Variants in ARL6 observed in about 807,000 individuals in gnomAD.
ARL6 encodes ARF like GTPase 6, also known as ADP-ribosylation factor-like protein 6.
A neutral mutation model predicts 27.1 loss-of-function variants in ARL6; 18 were observed. The observed-to-expected ratio is 0.66, with a 90% CI of 0.46 to 0.98. The LOEUF (loss-of-function observed/expected upper bound fraction) is 0.98. Among genes scored for constraint, ARL6 ranks in the 50% least tolerant of loss-of-function variants. ARL6 has a pLI of 0.00. For synonymous variants in ARL6, 65 were observed against 72.3 expected, an observed-to-expected ratio of 0.90 and a Z score of 0.51; for missense variants, 187 against 214.9, an observed-to-expected ratio of 0.87 and a Z score of 0.81.
At chr3:97,781,628 C>G (rs2037205672) in intron 4 of ARL6, among the ~76,000 whole-genome samples, 1 of 152,040 alleles carries the variant, frequency 6.6e-6, no homozygotes, top group Non-Finnish European at 1.5e-5. Flanking sequence ...TGGAACCAAT[C>G]CCTCGCCAAT....
chr3:97,792,965 T>C (rs935444784), intron 7 of ARL6, among the ~76,000 whole-genome samples: 1 of 148,772 alleles, frequency 6.7e-6, no homozygotes, highest in Non-Finnish European at 1.5e-5. Flanking sequence ...TTGTGTGTGA[T>C]TTTTTTTTTT....
In ARL6 at chr3:97,764,905, C is replaced by T. The variant is rs1180736161; in HGVS notation, c.-100C>T. ...AGGGACCCTCGCACCAGATTTCCAT[C>T]CCGGAGACCGATACGAGTGCGTCCA... On this transcript the variant is annotated 5_prime_UTR_variant, in exon 1 of 8. Transcript: ENST00000463745. 1.3e-5 allele frequency: 2 copies of T among 152,256 alleles called. No homozygotes were observed. Among genetic ancestry groups the T allele is most frequent in the African/African-American group, 4.8e-5 (2 of 41,454 alleles). 9.4% of individuals were successfully genotyped at this position (152,256 alleles called of 1,614,324 possible). A position where few individuals can be genotyped will look rare whatever the true frequency, so the allele number is the denominator to read the frequency against.
chr3:97,787,959 A>G (rs1159896139), intron 5 of ARL6, 31 bp from the exon 6 acceptor site: 1 of 1,612,116 alleles, frequency 6.2e-7, no homozygotes, highest in South Asian at 1.1e-5. Flanking sequence ...AAAAGCTGGA[A>G]GTGTGATGAT....
intron 7 of ARL6, among the ~76,000 whole-genome samples, chr3:97,796,833 GAAT>G (rs1490187341): frequency 6.6e-6 from 1 of 152,106 alleles, no homozygotes; most frequent in Admixed American, 6.6e-5. Flanking sequence ...TCCAAGGAGG[GAAT>G]AATAGAATTA....
At chr3:97,771,572 C>T (rs1040091267) in intron 2 of ARL6, among the ~76,000 whole-genome samples, 16 of 149,026 alleles carry the variant, frequency 1.1e-4, no homozygotes, top group African/African-American at 3.9e-4. Context: ...TGAAAATGAA[C>T]ATCCTTGTCT....
chr3:97,792,753 G>A (rs536937091), intron 7 of ARL6, among the ~76,000 whole-genome samples: 1 of 152,308 alleles, frequency 6.6e-6, no homozygotes, highest in Admixed American at 6.5e-5. Flanking sequence ...GCAGTAGATA[G>A]TTGTGAATGA....
At chr3:97,775,103 G>T (rs1163101230) in intron 2 of ARL6, among the ~76,000 whole-genome samples, 1 of 151,890 alleles carries the variant, frequency 6.6e-6, no homozygotes, top group East Asian at 1.9e-4. Context: ...AGCATTTTGG[G>T]GTCTAATCAT....
chr3:97,789,924 A>AC (rs889574176), intron 6 of ARL6, among the ~76,000 whole-genome samples: 3 of 117,216 alleles, frequency 2.6e-5, no homozygotes, highest in African/African-American at 7.8e-5. Flanking sequence ...AGTCTGATAA[A>AC]TTAAAGAAAA....
In ARL6 at chr3:97,797,888, C is replaced by G. The variant is rs75028528; in HGVS notation, c.536-136C>G. Reference sequence around the variant, plus strand: ...CCTGGGCCACATAGCAAGATCCTATCTCTAAAAAATAATAATAACAAAAGC... The same window carrying G: ...CCTGGGCCACATAGCAAGATCCTATGTCTAAAAAATAATAATAACAAAAGC... On this transcript the variant is annotated intron_variant, in intron 7 of 7. Transcript: ENST00000463745. 0.013 allele frequency: 10,511 copies of G among 830,390 alleles called. 753 individuals are homozygous for G. In the African/African-American group the frequency reaches 0.16, roughly 13 times the overall value. The allele number at this position is 830,390 out of a possible 1,614,324, so 51.4% of individuals were successfully genotyped here.
At position 97,799,762 on chromosome 3, in the gene ARL6, C is replaced by T. The variant is rs1040914918; in HGVS notation, c.*1713C>T. 6 of 152,070 alleles carry T rather than the reference C, an allele frequency of 3.9e-5. No individual in the cohort carries two copies. Among genetic ancestry groups the T allele is most frequent in the African/African-American group, 1.4e-4 (6 of 41,424 alleles). The allele number at this position is 152,070 out of a possible 1,614,324, so 9.4% of individuals were successfully genotyped here. A position where few individuals can be genotyped will look rare whatever the true frequency, so the allele number is the denominator to read the frequency against. ...CATTTTATAGATCAGTAAACTGAGG[C>T]GTTAAAATGTTATGTAATTTGCCAA... On this transcript the variant is annotated 3_prime_UTR_variant, in exon 8 of 8. Transcript: ENST00000463745.
chr3:97,779,217 G>A (rs1244813704), intron 2 of ARL6, among the ~76,000 whole-genome samples: 1 of 152,058 alleles, frequency 6.6e-6, no homozygotes, highest in Non-Finnish European at 1.5e-5. Flanking sequence ...GAGACATTTA[G>A]GCTTTCTGCA....
intron 1 of ARL6, among the ~76,000 whole-genome samples, chr3:97,765,741 G>A: frequency 6.6e-6 from 1 of 152,174 alleles, no homozygotes; most frequent in East Asian, 1.9e-4. Flanking sequence ...TTCAGCAATT[G>A]ATTTCAGAGT....
At chr3:97,766,349 A>G (rs138163316) in intron 1 of ARL6, among the ~76,000 whole-genome samples, 1 of 152,356 alleles carries the variant, frequency 6.6e-6, no homozygotes, top group East Asian at 1.9e-4. Context: ...AATAGATTTT[A>G]CAAATGCTGG....
At chr3:97,797,912 G>A in intron 7 of ARL6, 112 bp from the exon 8 acceptor site, 1 of 965,710 alleles carries the variant, frequency 1.0e-6, no homozygotes, top group Non-Finnish European at 1.6e-6. Flanking sequence ...AATAACAAAA[G>A]CACATGTATA....
rs1559699631 is a variant in ARL6, at chr3:97,799,992, GCTTTTTTTGTTTT to G, written c.*1952_*1964del. The G allele has an allele frequency of 6.6e-6, 1 of 152,010 alleles. No individual in the cohort carries two copies. The highest frequency in any genetic ancestry group is 1.5e-5 in the Non-Finnish European group (1 of 67,934). 9.4% of individuals were successfully genotyped at this position (152,010 alleles called of 1,614,324 possible). On this transcript the variant is annotated 3_prime_UTR_variant, in exon 8 of 8. Transcript: ENST00000463745. ...GGTCAGAGACTAGAGACTACTCTTT[GCTTTTTTTGTTTT>G]CTTTTTTTTTCTTTTAAAGCTATTA...
chr3:97,776,662 A>AT (rs35144481), intron 2 of ARL6, among the ~76,000 whole-genome samples: 22,301 of 147,732 alleles, frequency 0.15, 1,843 homozygotes, highest in Non-Finnish European at 0.2. Context: ...TTATTTATTT[A>AT]TTTTTTTTTT....
intron 7 of ARL6, among the ~76,000 whole-genome samples, chr3:97,793,573 C>T (rs2037847027): frequency 6.6e-6 from 1 of 151,884 alleles, no homozygotes; most frequent in Non-Finnish European, 1.5e-5. Flanking sequence ...TTCTCCATCC[C>T]TTCTTTTCTG....
chr3:97,771,518 T>G (rs2036634302), intron 2 of ARL6, among the ~76,000 whole-genome samples: 1 of 151,410 alleles, frequency 6.6e-6, no homozygotes, highest in South Asian at 2.1e-4. Context: ...TCTTGCCTAA[T>G]TGCTCTGGCT....
At chr3:97,791,524 G>A (rs577397463) in intron 6 of ARL6, among the ~76,000 whole-genome samples, 1 of 152,318 alleles carries the variant, frequency 6.6e-6, no homozygotes, top group East Asian at 1.9e-4. Context: ...GTTAATGTCA[G>A]TGTAAGAACT....
Sources: gnomAD v4.1 joint callset for allele counts (sites outside exome capture counted in the v4.1 genomes callset) on GRCh38, gnomAD v4.1.1 for gene constraint, MANE v1.5 for transcripts, NCBI Gene and HGNC (gene_info 2026-07-23, HGNC 2026-07-21) for gene names.